Variants in KCNIP1 observed in about 807,000 individuals in gnomAD.
KCNIP1 encodes potassium voltage-gated channel interacting protein 1.
KCNIP1 carries 18 observed loss-of-function variants against 33.0 expected under a neutral mutation model. The observed-to-expected ratio is 0.55, with a 90% CI of 0.38 to 0.81. KCNIP1 has a LOEUF of 0.81. KCNIP1 is among the 30% of genes least tolerant of loss of function. The pLI, the probability that KCNIP1 is intolerant of heterozygous loss-of-function variation, is 0.00. For synonymous variants in KCNIP1, 93 were observed against 98.3 expected (o/e 0.95, Z 0.32); for missense variants, 238 against 271.6 (o/e 0.88, Z 0.87).
chr5:170,418,401 C>G (rs1186769543), intron 1 of KCNIP1, among the ~76,000 whole-genome samples: 1 of 152,194 alleles, frequency 6.6e-6, no homozygotes, highest in Non-Finnish European at 1.5e-5. Flanking sequence ...TGCGCTCCAG[C>G]CTGGGCTACA....
chr5:170,523,818 C>G (rs569102755), intron 1 of KCNIP1, among the ~76,000 whole-genome samples: 4 of 152,304 alleles, frequency 2.6e-5, no homozygotes, highest in African/African-American at 9.6e-5. Context: ...CTCCTCCTAC[C>G]CCAGTCTGCC....
At chr5:170,477,339 C>T (rs1237338128) in intron 1 of KCNIP1, among the ~76,000 whole-genome samples, 2 of 150,858 alleles carry the variant, frequency 1.3e-5, no homozygotes, top group Non-Finnish European at 2.9e-5. Context: ...TATATATACA[C>T]ATATATATTA....
chr5:170,656,554 A>G (rs1007093819), intron 1 of KCNIP1, among the ~76,000 whole-genome samples: 1 of 152,162 alleles, frequency 6.6e-6, no homozygotes, highest in African/African-American at 2.4e-5. Context: ...CTGGACAATA[A>G]AGACCCTGTG....
rs965968713 is a variant in KCNIP1, at chr5:170,629,946, G to A, written c.62-88812G>A. Among the ~76,000 whole-genome samples, 4 of 152,240 alleles carry A rather than the reference G, an allele frequency of 2.6e-5. No homozygotes were observed. In the East Asian group the frequency reaches 7.7e-4, roughly 29 times the overall value. On this transcript the variant is annotated intron_variant, in intron 1 of 7. Coordinates refer to ENST00000328939, the MANE Select transcript of KCNIP1 (RefSeq NM_014592.4). ...ACTTGGACCTGTTCCTCTTGATGGG[G>A]CTGGGGCTGAGGCGGGCAAGGCAGG...
At chr5:170,654,810 T>C (rs2113731831) in intron 1 of KCNIP1, among the ~76,000 whole-genome samples, 1 of 152,382 alleles carries the variant, frequency 6.6e-6, no homozygotes. Context: ...ATCTGGTTAA[T>C]GGTGTGAACA....
At chr5:170,507,770 T>C (rs1234573540) in intron 1 of KCNIP1, among the ~76,000 whole-genome samples, 1 of 152,262 alleles carries the variant, frequency 6.6e-6, no homozygotes. Flanking sequence ...GGGAGCGCTC[T>C]CTAAAGGCAA....
chr5:170,483,016 A>G, intron 1 of KCNIP1: 1 of 446,322 alleles, frequency 2.2e-6, no homozygotes, highest in Non-Finnish European at 4.5e-6. Flanking sequence ...TTAAAGTATG[A>G]GGTGGAAGAA....
chr5:170,654,066 A>G (rs1191622761), intron 1 of KCNIP1, among the ~76,000 whole-genome samples: 1 of 151,438 alleles, frequency 6.6e-6, no homozygotes, highest in African/African-American at 2.4e-5. Context: ...CAAGTCTGTC[A>G]CTCCCTCCTC....
chr5:170,555,552 T>A (rs1446089883), intron 1 of KCNIP1, among the ~76,000 whole-genome samples: 3 of 152,164 alleles, frequency 2.0e-5, no homozygotes, highest in Admixed American at 6.5e-5. Flanking sequence ...CACGGTTTCT[T>A]CCCTTCCTAC....
chr5:170,621,421 G>A (rs1432482437), intron 1 of KCNIP1, among the ~76,000 whole-genome samples: 1 of 152,208 alleles, frequency 6.6e-6, no homozygotes, highest in Non-Finnish European at 1.5e-5. Context: ...TGTCCCCACA[G>A]AGTGTGGTGT....
intron 1 of KCNIP1, among the ~76,000 whole-genome samples, chr5:170,525,358 C>T (rs1193608628): frequency 1.3e-5 from 2 of 152,194 alleles, no homozygotes; most frequent in Non-Finnish European, 2.9e-5. Context: ...GATACCTGCC[C>T]CATAGAGTTG....
intron 1 of KCNIP1, among the ~76,000 whole-genome samples, chr5:170,606,482 A>T (rs1000651975): frequency 2.0e-5 from 3 of 152,154 alleles, no homozygotes; most frequent in Admixed American, 1.3e-4. Context: ...CTCTCAACCA[A>T]CTATAAAATG....
intron 1 of KCNIP1, among the ~76,000 whole-genome samples, chr5:170,627,771 C>T (rs1759888018): frequency 6.6e-6 from 1 of 152,236 alleles, no homozygotes; most frequent in Non-Finnish European, 1.5e-5. Flanking sequence ...CATCTACCCC[C>T]ACCCTCTCAG....
At chr5:170,383,700 G>A in intron 1 of KCNIP1, 1 of 1,614,154 alleles carries the variant, frequency 6.2e-7, no homozygotes, top group South Asian at 1.1e-5. Flanking sequence ...GGTCCCGAGT[G>A]TCCTCCGTGT....
At chr5:170,626,175 C>T (rs1759813878) in intron 1 of KCNIP1, among the ~76,000 whole-genome samples, 1 of 152,178 alleles carries the variant, frequency 6.6e-6, no homozygotes, top group Admixed American at 6.5e-5. Context: ...GTATGCATGC[C>T]AGGCCTGTGC....
At chr5:170,655,027 G>A (rs1317764209) in intron 1 of KCNIP1, among the ~76,000 whole-genome samples, 1 of 152,162 alleles carries the variant, frequency 6.6e-6, no homozygotes, top group East Asian at 1.9e-4. Context: ...GGATCTGTAA[G>A]TTGGCTGGAT....
At chr5:170,395,118 G>A (rs573338055) in intron 1 of KCNIP1, among the ~76,000 whole-genome samples, 1 of 152,236 alleles carries the variant, frequency 6.6e-6, no homozygotes, top group African/African-American at 2.4e-5. Context: ...GCATCCAGCA[G>A]TGGGATTGCT....
chr5:170,646,465 A>G (rs1760793801), intron 1 of KCNIP1, among the ~76,000 whole-genome samples: 1 of 152,208 alleles, frequency 6.6e-6, no homozygotes, highest in Non-Finnish European at 1.5e-5. Context: ...GTAACCCATC[A>G]CATCAACAGG....
chr5:170,557,571 A>G (rs1242035348), intron 1 of KCNIP1, among the ~76,000 whole-genome samples: 2 of 151,482 alleles, frequency 1.3e-5, no homozygotes, highest in Non-Finnish European at 3.0e-5. Context: ...CTCCAAGACA[A>G]ACAGTTAGAG....
Sources: allele counts gnomAD v4.1 joint callset (sites outside exome capture counted in the v4.1 genomes callset), GRCh38; gene constraint gnomAD v4.1.1; transcripts MANE v1.5; gene names NCBI Gene and HGNC (gene_info 2026-07-23, HGNC 2026-07-21).